Variants in EXOC2 observed in about 807,000 individuals in gnomAD.
EXOC2 encodes the protein exocyst complex component 2.
In EXOC2, 70 loss-of-function variants were observed where a neutral mutation model predicts 131.8. The ratio of observed to expected loss-of-function variants is 0.53; its 90% CI spans 0.44 to 0.65. The LOEUF (loss-of-function observed/expected upper bound fraction) is 0.65. EXOC2 is among the 30% of genes least tolerant of loss of function. The pLI is 0.00. For synonymous variants in EXOC2, 411 were observed against 398.4 expected, an observed-to-expected ratio of 1.03 and a Z score of -0.38; for missense variants, 923 against 1,108.6, an observed-to-expected ratio of 0.83 and a Z score of 2.38.
intron 4 of EXOC2, among the ~76,000 whole-genome samples, chr6:628,095 G>A (rs1392560081): frequency 1.3e-5 from 2 of 152,206 alleles, no homozygotes; most frequent in Non-Finnish European, 1.5e-5. Context: ...TATGCTCCAA[G>A]TTGTTTACCT....
At chr6:607,015 G>A (rs775874884) in intron 7 of EXOC2, among the ~76,000 whole-genome samples, 4 of 152,202 alleles carry the variant, frequency 2.6e-5, no homozygotes, top group Admixed American at 1.3e-4. Context: ...GACGTACAGT[G>A]ACTATCGCTG....
intron 22 of EXOC2, among the ~76,000 whole-genome samples, chr6:537,834 CAACA>C (rs1386055747): frequency 1.3e-5 from 2 of 152,158 alleles, no homozygotes; most frequent in Non-Finnish European, 2.9e-5. Flanking sequence ...ATACAAAAGA[CAACA>C]AACTGCATGG....
intron 27 of EXOC2, 84 bp from the exon 28 acceptor site, chr6:486,848 G>GA: frequency 9.8e-7 from 1 of 1,015,294 alleles, no homozygotes. Flanking sequence ...GCCAGTGCCC[G>GA]GCTCTGCCTG....
At chr6:632,740 T>A (rs972881152) in intron 3 of EXOC2, among the ~76,000 whole-genome samples, 3 of 152,240 alleles carry the variant, frequency 2.0e-5, no homozygotes, top group African/African-American at 7.2e-5. Flanking sequence ...TAGGCTTCAC[T>A]GACTGTTACC....
intron 1 of EXOC2, among the ~76,000 whole-genome samples, chr6:664,104 T>C (rs1051640814): frequency 1.3e-5 from 2 of 152,234 alleles, no homozygotes; most frequent in African/African-American, 2.4e-5. Flanking sequence ...ACAAGATTAA[T>C]GTACACAAAT....
intron 24 of EXOC2, among the ~76,000 whole-genome samples, chr6:499,372 T>C (rs1288329268): frequency 6.6e-5 from 10 of 152,048 alleles, no homozygotes; most frequent in Non-Finnish European, 7.4e-5. Context: ...CAAATATTTA[T>C]GAATTTAGCT....
At position 653,848 on chromosome 6, in the gene EXOC2, G is replaced by A. The variant is rs114112518; in HGVS notation, c.-43-15987C>T. 3.3e-3 allele frequency among the ~76,000 whole-genome samples: 497 copies of A among 152,322 alleles called. 1 individual carries two copies. Among genetic ancestry groups the A allele is most frequent in the Non-Finnish European group, 6.7e-3 (456 of 68,024 alleles). On this transcript the variant is annotated intron_variant, in intron 1 of 27. Transcript: ENST00000230449. ...TCAATACCTGGCTTCAAAGCTTCAAGGACAGGTTGACTCTGTTGTTAGGGG... is the reference window on the plus strand; with the variant it reads ...TCAATACCTGGCTTCAAAGCTTCAAAGACAGGTTGACTCTGTTGTTAGGGG...
chr6:490,139 A>C (rs563735890), intron 26 of EXOC2, among the ~76,000 whole-genome samples: 65 of 152,322 alleles, frequency 4.3e-4, no homozygotes, highest in African/African-American at 1.5e-3. Context: ...TAAACATACT[A>C]CATATTATTG....
intron 1 of EXOC2, among the ~76,000 whole-genome samples, 172 bp downstream of exon 1, chr6:692,847 G>A (rs896519302): frequency 1.3e-5 from 2 of 152,110 alleles, no homozygotes; most frequent in Admixed American, 6.5e-5. Context: ...GGGGCTGCGG[G>A]GCTGGGAACC....
intron 10 of EXOC2, among the ~76,000 whole-genome samples, chr6:593,573 A>T (rs759920947): frequency 2.6e-5 from 4 of 152,252 alleles, no homozygotes; most frequent in Non-Finnish European, 5.9e-5. Flanking sequence ...TTTCTGTCAA[A>T]TATTATTTAA....
intron 13 of EXOC2, among the ~76,000 whole-genome samples, chr6:565,258 C>T (rs1165340926): frequency 6.6e-6 from 1 of 152,132 alleles, no homozygotes; most frequent in African/African-American, 2.4e-5. Flanking sequence ...GGTATCATAC[C>T]CACGACAACA....
intron 7 of EXOC2, among the ~76,000 whole-genome samples, chr6:604,202 T>C (rs1760268456): frequency 6.6e-6 from 1 of 152,200 alleles, no homozygotes; most frequent in Non-Finnish European, 1.5e-5. Flanking sequence ...CTCATCTCTA[T>C]GCCTCTCCTT....
chr6:670,299 G>C (rs1581663242), intron 1 of EXOC2: 1 of 152,282 alleles, frequency 6.6e-6, no homozygotes, highest in East Asian at 1.9e-4. Flanking sequence ...TCCCCTTCTG[G>C]TGGCAGTACT....
At chr6:584,895 A>T (rs1264080079) in intron 11 of EXOC2, among the ~76,000 whole-genome samples, 2 of 152,110 alleles carry the variant, frequency 1.3e-5, no homozygotes, top group Non-Finnish European at 2.9e-5. Flanking sequence ...ATATATTTTA[A>T]CTCACATTCA....
chr6:628,166 G>A (rs1435504350), intron 4 of EXOC2, among the ~76,000 whole-genome samples: 1 of 152,176 alleles, frequency 6.6e-6, no homozygotes, highest in East Asian at 1.9e-4. Context: ...TACACCTGAG[G>A]AAACTGAGGC....
intron 13 of EXOC2, among the ~76,000 whole-genome samples, chr6:568,637 G>C (rs1438371648): frequency 6.6e-6 from 1 of 152,172 alleles, no homozygotes; most frequent in Non-Finnish European, 1.5e-5. Flanking sequence ...TATGGAGGGA[G>C]GCACATGCCA....
At chr6:501,988 C>T (rs958978194) in intron 23 of EXOC2, among the ~76,000 whole-genome samples, 1 of 152,094 alleles carries the variant, frequency 6.6e-6, no homozygotes, top group African/African-American at 2.4e-5. Flanking sequence ...AGCCACACCC[C>T]CCGGTGTCCC....
chr6:656,574 C>A, intron 1 of EXOC2: 3 of 1,591,408 alleles, frequency 1.9e-6, no homozygotes, highest in South Asian at 2.3e-5. Flanking sequence ...GCTGCGAGCG[C>A]GGCCCAGGGA....
At chr6:628,969 G>A (rs553039591) in intron 4 of EXOC2, among the ~76,000 whole-genome samples, 14 of 152,274 alleles carry the variant, frequency 9.2e-5, no homozygotes, top group Middle Eastern at 6.8e-3. Flanking sequence ...TTTTCAACAC[G>A]TGCTACTTTC....
Sources: gnomAD v4.1 joint callset for allele counts (sites outside exome capture counted in the v4.1 genomes callset) on GRCh38, gnomAD v4.1.1 for gene constraint, MANE v1.5 for transcripts, NCBI Gene and HGNC (gene_info 2026-07-23, HGNC 2026-07-21) for gene names.